The following CDH12 variants were observed in gnomAD, a reference collection of about 807,000 sequenced individuals.
CDH12 encodes cadherin 12, also known as cadherin-12.
A neutral mutation model predicts 74.1 loss-of-function variants in CDH12; 41 were observed. The observed-to-expected ratio is 0.55, with a 90% CI of 0.43 to 0.72. The LOEUF is 0.72. CDH12 is among the 30% of genes least tolerant of loss of function. The probability of loss-of-function intolerance (pLI) is 0.00; values close to 1 mark genes in which losing one functional copy is unlikely to be tolerated. For missense variants in CDH12, 945 were observed against 977.2 expected (o/e 0.97, Z 0.44); for synonymous variants, 399 against 355.0 (o/e 1.12, Z -1.39).
chr5:22,116,310 C>A (rs1375694354), intron 4 of CDH12, among the ~76,000 whole-genome samples: 1 of 152,030 alleles, frequency 6.6e-6, no homozygotes, highest in Non-Finnish European at 1.5e-5. Flanking sequence ...AAACATCAGT[C>A]CCACAGTTGA....
At chr5:22,390,032 C>T (rs990971190) in intron 3 of CDH12, among the ~76,000 whole-genome samples, 3 of 151,924 alleles carry the variant, frequency 2.0e-5, no homozygotes, top group African/African-American at 7.3e-5. Flanking sequence ...CACACACACA[C>T]ACACATGCAC....
intron 6 of CDH12, among the ~76,000 whole-genome samples, chr5:21,868,523 C>A (rs1199367642): frequency 6.6e-6 from 1 of 152,130 alleles, no homozygotes; most frequent in Non-Finnish European, 1.5e-5. Context: ...GCCTTGGGGG[C>A]CCAAATTCTA....
chr5:22,756,098 G>GAAAAAAAAAAAAAAAAAAA (rs60067455), intron 1 of CDH12, among the ~76,000 whole-genome samples: 44 of 87,274 alleles, frequency 5.0e-4, no homozygotes, highest in Non-Finnish European at 5.4e-4. Flanking sequence ...TTCAAGGACC[G>GAAAAAAAAAAAAAAAAAAA]AAAAAAAAAA....
intron 1 of CDH12, among the ~76,000 whole-genome samples, chr5:22,845,815 T>C (rs1737276166): frequency 6.6e-6 from 1 of 152,204 alleles, no homozygotes; most frequent in African/African-American, 2.4e-5. Context: ...TGGGAAGTAC[T>C]TTGATACTAT....
intron 3 of CDH12, among the ~76,000 whole-genome samples, chr5:22,392,556 T>C (rs1009383090): frequency 1.3e-5 from 2 of 152,218 alleles, no homozygotes; most frequent in Admixed American, 1.3e-4. Flanking sequence ...TGGTAAGCAC[T>C]ATTCAAATGT....
intron 1 of CDH12, among the ~76,000 whole-genome samples, chr5:22,505,692 G>T (rs1736361052): frequency 6.6e-6 from 1 of 151,928 alleles, no homozygotes; most frequent in African/African-American, 2.4e-5. Context: ...TCTATTCCAG[G>T]ATATCACATT....
chr5:22,423,206 TAAAAA>T (rs58915238), intron 2 of CDH12, among the ~76,000 whole-genome samples: 9 of 121,440 alleles, frequency 7.4e-5, no homozygotes, highest in African/African-American at 2.7e-4. Flanking sequence ...GTAAACACAG[TAAAAA>T]AAAAAAAAAA....
intron 1 of CDH12, among the ~76,000 whole-genome samples, chr5:22,840,737 G>A (rs747761414): frequency 1.3e-5 from 2 of 152,036 alleles, no homozygotes; most frequent in Admixed American, 6.6e-5. Flanking sequence ...AAATAAAAAC[G>A]TAGACCAGGA....
chr5:22,442,609 C>G (rs1410436941), intron 2 of CDH12, among the ~76,000 whole-genome samples: 1 of 152,044 alleles, frequency 6.6e-6, no homozygotes, highest in Non-Finnish European at 1.5e-5. Context: ...TTGTGATCAC[C>G]CTGTTTTTTA....
At chr5:21,867,444 G>A (rs1165249713) in intron 6 of CDH12, among the ~76,000 whole-genome samples, 2 of 152,086 alleles carry the variant, frequency 1.3e-5, no homozygotes, top group African/African-American at 4.8e-5. Flanking sequence ...GTCTAGCCAG[G>A]GCGGGGCTGC....
chr5:22,787,140 A>C (rs1038784848), intron 1 of CDH12, among the ~76,000 whole-genome samples: 1 of 147,572 alleles, frequency 6.8e-6, no homozygotes, highest in South Asian at 2.1e-4. Context: ...CACACACACC[A>C]CACACACACA....
intron 1 of CDH12, among the ~76,000 whole-genome samples, chr5:22,574,399 C>T (rs376068146): frequency 1.3e-5 from 2 of 151,720 alleles, no homozygotes; most frequent in East Asian, 3.9e-4. Flanking sequence ...TATTTTTTTC[C>T]ATAACATGCC....
intron 2 of CDH12, among the ~76,000 whole-genome samples, chr5:22,480,936 G>T (rs1192941924): frequency 6.6e-6 from 1 of 152,194 alleles, no homozygotes; most frequent in Non-Finnish European, 1.5e-5. Flanking sequence ...TTTCCAGCAA[G>T]AAATTATTTA....
intron 3 of CDH12, among the ~76,000 whole-genome samples, chr5:22,350,469 T>C (rs1305324671): frequency 1.3e-5 from 2 of 152,192 alleles, no homozygotes; most frequent in Admixed American, 1.3e-4. Context: ...CAGTAAGTGT[T>C]ACTCTTTTTT....
chr5:22,601,688 C>G (rs1298547872), intron 1 of CDH12, among the ~76,000 whole-genome samples: 1 of 151,922 alleles, frequency 6.6e-6, no homozygotes. Flanking sequence ...GTAATTTAAT[C>G]CTTACATCTC....
chr5:22,437,982 A>G (rs1382192333), intron 2 of CDH12, among the ~76,000 whole-genome samples: 1 of 152,110 alleles, frequency 6.6e-6, no homozygotes, highest in Non-Finnish European at 1.5e-5. Flanking sequence ...TTGGGATTAA[A>G]GATAGCTAAA....
chr5:21,764,804 C>T (rs575088805), intron 12 of CDH12, among the ~76,000 whole-genome samples, 174 bp downstream of exon 12: 22 of 152,244 alleles, frequency 1.4e-4, no homozygotes, highest in Admixed American at 1.2e-3. Context: ...CCTCCACATA[C>T]ATTCATCTAT....
At chr5:22,320,644 C>T (rs1158761593) in intron 3 of CDH12, among the ~76,000 whole-genome samples, 1 of 152,182 alleles carries the variant, frequency 6.6e-6, no homozygotes, top group African/African-American at 2.4e-5. Flanking sequence ...TAGTATTTAA[C>T]TTCATATCAG....
chr5:22,007,444 T>C (rs556468106), intron 5 of CDH12, among the ~76,000 whole-genome samples: 31 of 140,634 alleles, frequency 2.2e-4, no homozygotes, highest in African/African-American at 7.6e-4. Context: ...ACCATAAAGA[T>C]ATACAACTTT....
Sources: gnomAD v4.1 joint callset for allele counts (sites outside exome capture counted in the v4.1 genomes callset) on GRCh38, gnomAD v4.1.1 for gene constraint, MANE v1.5 for transcripts, NCBI Gene and HGNC (gene_info 2026-07-23, HGNC 2026-07-21) for gene names.